Variants in TRAM1 observed in about 807,000 individuals in gnomAD.
TRAM1 encodes the protein translocating chain-associated membrane protein 1.
Under a neutral mutation model 48.7 loss-of-function variants are expected in TRAM1, and 17 were observed. That is an observed-to-expected ratio of 0.35 (90% CI 0.24 to 0.52). The LOEUF (loss-of-function observed/expected upper bound fraction) is 0.52, where lower values mean the gene tolerates loss of function less well. Ranked by LOEUF, TRAM1 falls within the 20% of genes least tolerant of loss-of-function variation. The pLI, the probability that TRAM1 is intolerant of heterozygous loss-of-function variation, is 0.94. For missense variants in TRAM1, 351 were observed against 441.5 expected (o/e 0.79, Z 1.84); for synonymous variants, 182 against 154.0 (o/e 1.18, Z -1.34).
intron 8 of TRAM1, among the ~76,000 whole-genome samples, chr8:70,586,257 A>T (rs1022583485): frequency 8.3e-5 from 5 of 60,024 alleles, no homozygotes; most frequent in African/African-American, 1.4e-4. Context: ...GGAACATCAC[A>T]CTCTGGGGAC....
At position 70,591,383 on chromosome 8, in the gene TRAM1, C is replaced by T. The variant is rs945033351; in HGVS notation, c.570+3123G>A. Among the ~76,000 whole-genome samples the T allele has an allele frequency of 7.9e-5, 12 of 152,246 alleles. No homozygotes were observed. In the Middle Eastern group the frequency reaches 0.01, roughly 129 times the overall value. On this transcript the variant is annotated intron_variant, in intron 6 of 10. Transcript: ENST00000262213. The stretch of plus-strand genomic sequence containing the variant: ...TCCATTTCCTCTGGGGTTACAGCCC[C>T]GATGGCACGGTGTTCACATGTCTGA...
intron 4 of TRAM1, among the ~76,000 whole-genome samples, 185 bp downstream of exon 4, chr8:70,597,710 C>T (rs1432472693): frequency 8.0e-6 from 1 of 124,604 alleles, no homozygotes; most frequent in African/African-American, 3.0e-5. Flanking sequence ...ATAAAAGTAA[C>T]ATTCAGAGTG....
intron 10 of TRAM1, among the ~76,000 whole-genome samples, chr8:70,577,279 C>A (rs1183048393): frequency 1.3e-5 from 2 of 152,204 alleles, no homozygotes; most frequent in African/African-American, 4.8e-5. Context: ...CAGCAGGAGG[C>A]AGACAGGTTC....
chr8:70,602,015 G>GA (rs2132045284), intron 1 of TRAM1, among the ~76,000 whole-genome samples: 1 of 152,096 alleles, frequency 6.6e-6, no homozygotes, highest in Admixed American at 6.5e-5. Context: ...AGAGAACAGG[G>GA]AAAAAAGCAA....
chr8:70,591,007 TAA>T (rs766457339), intron 6 of TRAM1, among the ~76,000 whole-genome samples: 1 of 129,366 alleles, frequency 7.7e-6, no homozygotes, highest in African/African-American at 2.8e-5. Context: ...ACAATAATAA[TAA>T]AAAAAAAAAA....
intron 10 of TRAM1, among the ~76,000 whole-genome samples, chr8:70,576,273 GA>G (rs1401749014): frequency 1.3e-5 from 2 of 151,940 alleles, no homozygotes; most frequent in Non-Finnish European, 2.9e-5. Flanking sequence ...TAAACCCAAT[GA>G]AAAGGAAAGA....
chr8:70,583,625 G>C, intron 9 of TRAM1, 25 bp downstream of exon 9: 1 of 1,601,620 alleles, frequency 6.2e-7, no homozygotes, highest in Non-Finnish European at 8.5e-7. Flanking sequence ...TGTATAAAGT[G>C]AAAAAAATGT....
At chr8:70,583,133 A>C (rs748580578) in intron 10 of TRAM1, 31 bp downstream of exon 10, 6 of 1,584,040 alleles carry the variant, frequency 3.8e-6, no homozygotes, top group Non-Finnish European at 5.1e-6. Context: ...TTCTACTTCC[A>C]TGAGTTTTTC....
intron 1 of TRAM1, among the ~76,000 whole-genome samples, chr8:70,604,560 T>C (rs138719407): frequency 2.4e-4 from 37 of 152,224 alleles, no homozygotes; most frequent in South Asian, 4.1e-4. Flanking sequence ...AGTGTGATGA[T>C]TGGGGTTTCA....
chr8:70,594,615 G>A, intron 5 of TRAM1, 25 bp from the exon 6 acceptor site: 3 of 1,535,148 alleles, frequency 2.0e-6, no homozygotes, highest in Non-Finnish European at 2.6e-6. Flanking sequence ...AAAATGAAGA[G>A]TACCTTTTAA....
chr8:70,600,773 T>C (rs1455325068), intron 1 of TRAM1, among the ~76,000 whole-genome samples: 1 of 152,026 alleles, frequency 6.6e-6, no homozygotes, highest in Admixed American at 6.6e-5. Flanking sequence ...TGTGGGTACT[T>C]GGGATAAACA....
Position 70,574,154 on chromosome 8 carries a change from C to T in TRAM1, c.*778G>A, listed in dbSNP as rs929806762. ...ACTTATTATGAGCCCCATTAAGAATCATTATTAATAAACATATCAAAAAGG... is the reference window on the plus strand; with the variant it reads ...ACTTATTATGAGCCCCATTAAGAATTATTATTAATAAACATATCAAAAAGG... On this transcript the variant is annotated 3_prime_UTR_variant, in exon 11 of 11. Coordinates refer to ENST00000262213, the MANE Select transcript of TRAM1 (RefSeq NM_014294.6). 3 of 357,164 alleles carry T rather than the reference C, an allele frequency of 8.4e-6. No homozygotes were observed. The highest frequency in any genetic ancestry group is 1.6e-5 in the Non-Finnish European group (3 of 189,374). 22.1% of individuals were successfully genotyped at this position (357,164 alleles called of 1,614,324 possible). A position where few individuals can be genotyped will look rare whatever the true frequency, so the allele number is the denominator to read the frequency against.
intron 10 of TRAM1, among the ~76,000 whole-genome samples, chr8:70,577,022 C>G (rs2132022087): frequency 6.6e-6 from 1 of 152,358 alleles, no homozygotes; most frequent in South Asian, 2.1e-4. Context: ...TTCTCTCTTT[C>G]TTGTCATCCA....
chr8:70,597,694 A>G (rs1390503245), intron 4 of TRAM1, among the ~76,000 whole-genome samples: 1 of 147,148 alleles, frequency 6.8e-6, no homozygotes, highest in Non-Finnish European at 1.5e-5. Context: ...AAAAAAAAAG[A>G]AAGATATAAA....
chr8:70,604,462 T>A (rs1468128960), intron 1 of TRAM1, among the ~76,000 whole-genome samples: 1 of 152,076 alleles, frequency 6.6e-6, no homozygotes, highest in Non-Finnish European at 1.5e-5. Context: ...GAGGGGAGGA[T>A]CACTTGAGCC....
At position 70,573,485 on chromosome 8, in the gene TRAM1, T is replaced by C. The variant is rs1207431784; in HGVS notation, c.*1447A>G. On this transcript the variant is annotated 3_prime_UTR_variant, in exon 11 of 11. Coordinates refer to ENST00000262213, the MANE Select transcript of TRAM1 (RefSeq NM_014294.6). ...TTATTTTGATTGATTTCTCAATGTATAGTTCAGTATAATGCCAGTTTTTAA... is the reference window on the plus strand; with the variant it reads ...TTATTTTGATTGATTTCTCAATGTACAGTTCAGTATAATGCCAGTTTTTAA... 2.6e-5 allele frequency: 4 copies of C among 152,662 alleles called. No homozygotes were observed. The highest frequency in any genetic ancestry group is 1.3e-4 in the Admixed American group (2 of 15,280). 9.5% of individuals were successfully genotyped at this position (152,662 alleles called of 1,614,324 possible).
In TRAM1 at chr8:70,573,228, C is replaced by T. The variant is rs1470205784; in HGVS notation, c.*1704G>A. Among the ~76,000 whole-genome samples, 3 of 152,126 alleles carry T rather than the reference C, an allele frequency of 2.0e-5. No individual in the cohort carries two copies. The highest frequency in any genetic ancestry group is 7.2e-5 in the African/African-American group (3 of 41,432). On this transcript the variant is annotated 3_prime_UTR_variant, in exon 11 of 11. Transcript: ENST00000262213. The stretch of plus-strand genomic sequence containing the variant: ...AGAGACACCTTTAGGTTAGTTTAAT[C>T]CAGTGATTCCCAGATTTATTTGGTT...
At position 70,591,469 on chromosome 8, in the gene TRAM1, T is replaced by C. The variant is rs886322534; in HGVS notation, c.570+3037A>G. On this transcript the variant is annotated intron_variant, in intron 6 of 10. Transcript: ENST00000262213. ...TGGTCTCTGGACGTACACATTTACA[T>C]GGGTTGTGGGGGAAGGGAGAGAACA... Among the ~76,000 whole-genome samples, 4 of 152,138 alleles carry C rather than the reference T, an allele frequency of 2.6e-5. No homozygotes were observed. In the South Asian group the frequency reaches 8.3e-4, roughly 32 times the overall value.
Position 70,602,904 on chromosome 8 carries a change from T to A in TRAM1, c.124-2822A>T, listed in dbSNP as rs1449395472. The stretch of plus-strand genomic sequence containing the variant: ...CAAAAGCTTGGACTAGGTAGAGCAC[T>A]GACTTATGAGTACTAGAATGAGGGA... On this transcript the variant is annotated intron_variant, in intron 1 of 10. Transcript: ENST00000262213. Among the ~76,000 whole-genome samples the A allele has an allele frequency of 2.0e-5, 3 of 152,198 alleles. No homozygotes were observed. In the East Asian group the frequency reaches 5.8e-4, roughly 29 times the overall value.
Sources: gnomAD v4.1 joint callset for allele counts (sites outside exome capture counted in the v4.1 genomes callset) on GRCh38, gnomAD v4.1.1 for gene constraint, MANE v1.5 for transcripts, NCBI Gene and HGNC (gene_info 2026-07-23, HGNC 2026-07-21) for gene names.